The following SLC38A7 variants were observed in gnomAD, a reference collection of about 807,000 sequenced individuals.
SLC38A7 encodes the protein sodium-coupled neutral amino acid transporter 7.
SLC38A7 carries 29 observed loss-of-function variants against 50.1 expected under a neutral mutation model. That is an observed-to-expected ratio of 0.58 (90% CI 0.43 to 0.79). The LOEUF is 0.79. Ranked by LOEUF, SLC38A7 falls within the 30% of genes least tolerant of loss-of-function variation. The probability of loss-of-function intolerance (pLI) is 0.00; values close to 1 mark genes in which losing one functional copy is unlikely to be tolerated. For missense variants in SLC38A7, 483 were observed against 610.6 expected (o/e 0.79, Z 2.20); for synonymous variants, 244 against 245.9 (o/e 0.99, Z 0.07).
At chr16:58,684,368 CT>C (rs2044448750) in intron 1 of SLC38A7, 190 bp from the exon 2 acceptor site, 1 of 152,452 alleles carries the variant, frequency 6.6e-6, no homozygotes, top group Non-Finnish European at 1.5e-5. Flanking sequence ...AAAGGGTGGG[CT>C]GCTTTGTGAG....
At position 58,676,062 on chromosome 16, in the gene SLC38A7, G is replaced by C; in HGVS notation, c.769-8C>G. On this transcript the variant is annotated splice_region_variant and splice_polypyrimidine_tract_variant and intron_variant, in intron 7 of 11. Coordinates refer to ENST00000219320, the MANE Select transcript of SLC38A7 (RefSeq NM_018231.3). ...CACACTGCTGACGTGGCACTGTCCA[G>C]GTGAAGGGCACCGTCATGGTGGGGA... 3.1e-6 allele frequency: 5 copies of C among 1,611,590 alleles called. No individual in the cohort carries two copies. In the South Asian group the frequency reaches 4.4e-5, roughly 14 times the overall value.
chr16:58,667,400 C>T lies in SLC38A7; in HGVS notation c.1374G>A (p.Val458=). The T allele has an allele frequency of 1.9e-6, 3 of 1,613,966 alleles. No individual in the cohort carries two copies. Among genetic ancestry groups the T allele is most frequent in the Non-Finnish European group, 2.5e-6 (3 of 1,180,006 alleles). The change falls in exon 12 of 12, where the codon GTG becomes GTA. Residue 458 remains valine (V), a synonymous_variant. Transcript: ENST00000219320. ...GAGGCAGTGGTTATGCCAAGAGATC[C>T]ACAAAGATGGCGTTGGCTGTGGTCT... ...FGQTTANAIF[V]DLLA
At position 58,678,879 on chromosome 16, in the gene SLC38A7, T is replaced by G. The variant is rs775089580; in HGVS notation, c.286A>C (p.Ile96Leu). 7.4e-6 allele frequency: 12 copies of G among 1,613,564 alleles called. No individual in the cohort carries two copies. In the Admixed American group the frequency reaches 1.8e-4, roughly 25 times the overall value. Residue 96 changes from isoleucine to leucine, a missense_variant, in exon 4 of 12, where the codon ATC (isoleucine) becomes CTC (leucine). Ile to Leu is a conservative substitution (Grantham distance 5). Transcript: ENST00000219320. This position sits in a 1 kb window ranked among gnomAD's most constrained non-coding sequence, Gnocchi z 4.0. Reference protein sequence around the residue: ...IALQMGMLVFIISGLVILAYC... With the variant: ...IALQMGMLVFLISGLVILAYC... ...GCCAGGATGACAAGGCCACTGATGA[T>G]GAAAACCAGCATACCCTGCAGGCAG...
chr16:58,678,543 G>A lies in SLC38A7; in HGVS notation c.470-69C>T. 2 of 1,551,056 alleles carry A rather than the reference G, an allele frequency of 1.3e-6. No homozygotes were observed. The highest frequency in any genetic ancestry group is 2.3e-5 in the East Asian group (1 of 44,178). ...GGGTGTGGCCCTCCTGCTCTGCTGGGCCCCAGGACCTCCCTCTGCCTGGAG... is the reference window on the plus strand; with the variant it reads ...GGGTGTGGCCCTCCTGCTCTGCTGGACCCCAGGACCTCCCTCTGCCTGGAG... On this transcript the variant is annotated intron_variant, in intron 4 of 11. Coordinates refer to ENST00000219320, the MANE Select transcript of SLC38A7 (RefSeq NM_018231.3). The surrounding 1 kb of genome is among the most constrained non-coding windows in gnomAD (Gnocchi z 4.0).
chr16:58,671,685 C>T (rs1013928076), intron 9 of SLC38A7: 5 of 217,074 alleles, frequency 2.3e-5, no homozygotes, highest in African/African-American at 1.1e-4. Context: ...CCTCAGCCTC[C>T]CAAGTGGCTG....
At chr16:58,677,523 T>C in intron 5 of SLC38A7, 99 bp from the exon 6 acceptor site, 1 of 1,003,224 alleles carries the variant, frequency 1.0e-6, no homozygotes. Context: ...ACCACAAGTG[T>C]CCACTGAATG....
chr16:58,677,674 C>T (rs1428690466), intron 5 of SLC38A7: 2 of 501,248 alleles, frequency 4.0e-6, no homozygotes, highest in Admixed American at 3.2e-5. Flanking sequence ...GGTTCAGCTC[C>T]ATGGCTCAGA....
chr16:58,674,294 A>G (rs8048686), intron 8 of SLC38A7, among the ~76,000 whole-genome samples: 9,811 of 152,054 alleles, frequency 0.065, 1,010 homozygotes, highest in African/African-American at 0.22. Context: ...TCTCTTTTTT[A>G]GAGACAGGGT....
chr16:58,678,423 G>A lies in SLC38A7; in HGVS notation c.521C>T (p.Thr174Ile), dbSNP rs779550123. The change falls in exon 5 of 12, where the codon ACA becomes ATA. Residue 174 changes from threonine (T) to isoleucine (I), a missense_variant. Transcript: ENST00000219320. The surrounding 1 kb of genome is among the most constrained non-coding windows in gnomAD (Gnocchi z 4.0). Reference protein sequence around the residue: ...EPEGASGPWYTDRKFTISLTA... With the variant: ...EPEGASGPWYIDRKFTISLTA... Reference sequence around the variant, plus strand: ...GAGGCTGATGGTGAACTTGCGGTCTGTGTACCAAGGGCCGCTGGCCCCCTC... The same window carrying A: ...GAGGCTGATGGTGAACTTGCGGTCTATGTACCAAGGGCCGCTGGCCCCCTC... 3 of 1,593,330 alleles carry A rather than the reference G, an allele frequency of 1.9e-6. No individual in the cohort carries two copies. Among genetic ancestry groups the A allele is most frequent in the Non-Finnish European group, 2.6e-6 (3 of 1,169,368 alleles).
chr16:58,673,664 G>GTT (rs34674682), intron 8 of SLC38A7, among the ~76,000 whole-genome samples: 12,622 of 128,766 alleles, frequency 0.098, 2,001 homozygotes, highest in African/African-American at 0.34. Context: ...GTGCCTGGCC[G>GTT]TTTTTTTTTT....
Position 58,679,868 on chromosome 16 carries a change from C to A in SLC38A7, c.259G>T (p.Ala87Ser), listed in dbSNP as rs377080241. Residue 87 changes from alanine to serine, a missense_variant, in exon 3 of 12, where the codon GCA (alanine) becomes TCA (serine). Ala to Ser is a moderately conservative substitution (Grantham distance 99, BLOSUM62 1). Transcript: ENST00000219320. ...GCCAGTGCACTCACCATCTGCAGTG[C>A]GATGCCTGCTGCCACGCCCCCCGCA... The part of the protein sequence containing the change: ...STAGGVAAGI[A>S]LQMGMLVFII... 1.2e-6 allele frequency: 2 copies of A among 1,613,782 alleles called. No individual in the cohort carries two copies. Among genetic ancestry groups the A allele is most frequent in the Admixed American group, 1.7e-5 (1 of 60,022 alleles).
intron 2 of SLC38A7, among the ~76,000 whole-genome samples, chr16:58,682,906 G>A (rs1461513121): frequency 1.3e-5 from 2 of 151,832 alleles, no homozygotes; most frequent in Non-Finnish European, 2.9e-5. Flanking sequence ...GATTACAGGC[G>A]TGAGCCACCA....
intron 9 of SLC38A7, chr16:58,671,774 T>A: frequency 4.4e-6 from 1 of 226,716 alleles, no homozygotes; most frequent in Non-Finnish European, 8.7e-6. Context: ...CTCACTAGGT[T>A]GCCCAGGTGG....
intron 11 of SLC38A7, among the ~76,000 whole-genome samples, chr16:58,669,439 C>A (rs1008003219): frequency 6.6e-6 from 1 of 151,874 alleles, no homozygotes; most frequent in Non-Finnish European, 1.5e-5. Flanking sequence ...TAAAACAAAA[C>A]AAGAGCCCTG....
Position 58,671,060 on chromosome 16 carries a change from T to C in SLC38A7, c.1216A>G (p.Ile406Val). The stretch of plus-strand genomic sequence containing the variant: ...GGGTCCGCACCTGGGAAGACGAAGA[T>C]GAAGCAGGCGGCCAGGCCTCCAATG... ...SVIGGLAACF[I>V]FVFPGLCLIQ... Residue 406 changes from isoleucine to valine, a missense_variant, in exon 10 of 12, where the codon ATC becomes GTC. By Grantham distance (29) the Ile-to-Val change is conservative. Coordinates refer to ENST00000219320, the MANE Select transcript of SLC38A7 (RefSeq NM_018231.3). 6.2e-7 allele frequency: 1 copy of C among 1,604,578 alleles called. No individual in the cohort carries two copies. The highest frequency in any genetic ancestry group is 8.5e-7 in the Non-Finnish European group (1 of 1,176,026).
chr16:58,670,843 T>G (rs1192638903), intron 10 of SLC38A7, among the ~76,000 whole-genome samples: 5 of 152,174 alleles, frequency 3.3e-5, no homozygotes, highest in Non-Finnish European at 7.3e-5. Flanking sequence ...CCACGTGCCA[T>G]CAGTAAACTG....
intron 11 of SLC38A7, among the ~76,000 whole-genome samples, chr16:58,668,713 CAAAAAAAAAAA>C (rs71155292): frequency 5.9e-5 from 2 of 33,830 alleles, no homozygotes; most frequent in South Asian, 3.6e-3. Flanking sequence ...AACTCCATCT[CAAAAAAAAAAA>C]AAAAAAAAAA....
At chr16:58,670,914 C>T (rs1028963712) in intron 10 of SLC38A7, 131 bp downstream of exon 10, 31 of 961,428 alleles carry the variant, frequency 3.2e-5, no homozygotes, top group African/African-American at 9.7e-5. Context: ...AGTACAGAGG[C>T]GAGACAGGTG....
At position 58,678,798 on chromosome 16, in the gene SLC38A7, A is replaced by G; in HGVS notation, c.367T>C (p.Cys123Arg). 6.2e-7 allele frequency: 1 copy of G among 1,614,234 alleles called. No homozygotes were observed. ...CATAGCACACCTGTCAGCTTGCCACACACAGCCCATACCACCTCCTGGTAG... is the reference window on the plus strand; with the variant it reads ...CATAGCACACCTGTCAGCTTGCCACGCACAGCCCATACCACCTCCTGGTAG... The part of the protein sequence containing the change: ...RTYQEVVWAV[C>R]GKLTGVLCEV... Residue 123 changes from cysteine (C) to arginine (R), a missense_variant, in exon 4 of 12, where the codon TGT (cysteine) becomes CGT (arginine). By Grantham distance (180) the Cys-to-Arg change is radical (BLOSUM62 -3). Coordinates refer to ENST00000219320, the MANE Select transcript of SLC38A7 (RefSeq NM_018231.3). This position sits in a 1 kb window ranked among gnomAD's most constrained non-coding sequence, Gnocchi z 4.0.
Sources: allele counts gnomAD v4.1 joint callset (sites outside exome capture counted in the v4.1 genomes callset), GRCh38; gene constraint gnomAD v4.1.1; non-coding constraint Gnocchi (gnomAD v3.1); transcripts MANE v1.5; gene names NCBI Gene and HGNC (gene_info 2026-07-23, HGNC 2026-07-21).